RIMS4: variants seen among roughly 807,000 people sequenced by gnomAD.
The protein encoded by RIMS4 is regulating synaptic membrane exocytosis 4.
A neutral mutation model predicts 29.0 loss-of-function variants in RIMS4; 9 were observed. The observed-to-expected ratio is 0.31, with a 90% CI of 0.19 to 0.54. The LOEUF (loss-of-function observed/expected upper bound fraction) is 0.54. Ranked by LOEUF, RIMS4 falls within the 20% of genes least tolerant of loss-of-function variation. The pLI, the probability that RIMS4 is intolerant of heterozygous loss-of-function variation, is 0.94. For synonymous variants in RIMS4, 130 were observed against 152.9 expected, an observed-to-expected ratio of 0.85 and a Z score of 1.10; for missense variants, 193 against 365.7, an observed-to-expected ratio of 0.53 and a Z score of 3.85.
intron 1 of RIMS4, 40 bp downstream of exon 1, chr20:44,810,134 CG>C: frequency 1.6e-6 from 2 of 1,280,706 alleles, no homozygotes; most frequent in African/African-American, 1.5e-5. Context: ...ACCTGGATCC[CG>C]GGACACCCCG....
intron 1 of RIMS4, among the ~76,000 whole-genome samples, chr20:44,788,063 T>G (rs555501993): frequency 6.6e-6 from 1 of 152,338 alleles, no homozygotes; most frequent in African/African-American, 2.4e-5. Context: ...TCTGGCAGAA[T>G]TGAAATTAAC....
At chr20:44,791,610 C>T (rs552926379) in intron 1 of RIMS4, among the ~76,000 whole-genome samples, 9 of 152,256 alleles carry the variant, frequency 5.9e-5, no homozygotes, top group African/African-American at 1.9e-4. Context: ...CCACAAATGG[C>T]GACTCTCCCA....
chr20:44,775,493 C>CAAAGACTAAATGAAATGGGAGGATG (rs2066156131), intron 1 of RIMS4, among the ~76,000 whole-genome samples: 1 of 152,180 alleles, frequency 6.6e-6, no homozygotes, highest in Non-Finnish European at 1.5e-5. Flanking sequence ...GCCCCTTCAT[C>CAAAGACTAAATGAAATGGGAGGATG]AAAGACTAAA....
chr20:44,791,279 C>T (rs2066231324), intron 1 of RIMS4, among the ~76,000 whole-genome samples: 1 of 152,190 alleles, frequency 6.6e-6, no homozygotes, highest in Non-Finnish European at 1.5e-5. Context: ...TTTTGGTGTG[C>T]TTTCTCTGCA....
chr20:44,786,782 A>G (rs2066210434), intron 1 of RIMS4, among the ~76,000 whole-genome samples: 1 of 152,232 alleles, frequency 6.6e-6, no homozygotes. Context: ...TTGATTGAAA[A>G]TATTACACAA....
At chr20:44,809,483 A>G (rs954834552) in intron 1 of RIMS4, among the ~76,000 whole-genome samples, 1 of 151,910 alleles carries the variant, frequency 6.6e-6, no homozygotes, top group African/African-American at 2.4e-5. Context: ...TCCAGGGACA[A>G]GAGCACCTGA....
chr20:44,761,348 T>G (rs2066084132), intron 2 of RIMS4, among the ~76,000 whole-genome samples: 1 of 152,102 alleles, frequency 6.6e-6, no homozygotes, highest in Non-Finnish European at 1.5e-5. Context: ...AGCACTCACC[T>G]CTATACTTTG....
In RIMS4 at chr20:44,756,812, C is replaced by A; in HGVS notation, c.591+86G>T. The A allele has an allele frequency of 7.2e-7, 1 of 1,389,254 alleles. No homozygotes were observed. The allele number at this position is 1,389,254 out of a possible 1,614,324, so 86.1% of individuals were successfully genotyped here. On this transcript the variant is annotated intron_variant, in intron 5 of 5. Transcript: ENST00000372851. This position sits in a 1 kb window ranked among gnomAD's most constrained non-coding sequence, Gnocchi z 5.9. Reference sequence around the variant, plus strand: ...AGGCGAGGCCCTCCAGAGACACCCCCCGCCAGGGGTGCCCTCCTCTCATTC... The same window carrying A: ...AGGCGAGGCCCTCCAGAGACACCCCACGCCAGGGGTGCCCTCCTCTCATTC...
chr20:44,782,645 GGGGCAGGCCCTA>G (rs1435239737), intron 1 of RIMS4, among the ~76,000 whole-genome samples: 2 of 152,210 alleles, frequency 1.3e-5, no homozygotes, highest in Non-Finnish European at 2.9e-5. Flanking sequence ...CCAGGGTGAA[GGGGCAGGCCCTA>G]TCTGGGACAA....
intron 1 of RIMS4, among the ~76,000 whole-genome samples, chr20:44,774,036 A>T: frequency 6.6e-6 from 1 of 151,870 alleles, no homozygotes; most frequent in Non-Finnish European, 1.5e-5. Flanking sequence ...TTCCCTTGAC[A>T]CACCACCTTC....
chr20:44,754,515 AG>A lies in RIMS4; in HGVS notation c.*1618del, dbSNP rs5841569. ...CCTCTGCCAAGGTCCTACAACCCTT[AG>A]GAGTCCCTCATAAAGAAAGTCAGTA... On this transcript the variant is annotated 3_prime_UTR_variant, in exon 6 of 6. Coordinates refer to ENST00000372851, the MANE Select transcript of RIMS4 (RefSeq NM_182970.4). 6.4e-6 allele frequency: 1 copy of A among 155,072 alleles called. No homozygotes were observed. The highest frequency in any genetic ancestry group is 6.5e-5 in the Admixed American group (1 of 15,292). The allele number at this position is 155,072 out of a possible 1,614,324, so 9.6% of individuals were successfully genotyped here.
At chr20:44,778,567 TG>T (rs2066170428) in intron 1 of RIMS4, among the ~76,000 whole-genome samples, 2 of 152,034 alleles carry the variant, frequency 1.3e-5, no homozygotes, top group Admixed American at 6.6e-5. Context: ...CAGGAGGCTG[TG>T]GTGGGAGGAT....
Position 44,771,215 on chromosome 20 carries a change from C to T in RIMS4, c.236+60G>A, listed in dbSNP as rs556588434. ...GGCTCCCAGAGGGGTTGCTCAGTCC[C>T]TCCCGTGCCCCACCACAAAAGACTG... On this transcript the variant is annotated intron_variant, in intron 2 of 5. Coordinates refer to ENST00000372851, the MANE Select transcript of RIMS4 (RefSeq NM_182970.4). 4.1e-5 allele frequency: 64 copies of T among 1,563,922 alleles called. No homozygotes were observed. The South Asian group carries it at 7.2e-4, about 18-fold the overall frequency.
At chr20:44,800,651 AGGAGGAACTGGAGGGCCT>A (rs1171604806) in intron 1 of RIMS4, among the ~76,000 whole-genome samples, 5 of 152,132 alleles carry the variant, frequency 3.3e-5, no homozygotes, top group Middle Eastern at 3.4e-3. Flanking sequence ...GGGGAGACAA[AGGAGGAACTGGAGGGCCT>A]GTACAAGTGT....
At chr20:44,766,091 C>T (rs1310423623) in intron 2 of RIMS4, among the ~76,000 whole-genome samples, 2 of 152,080 alleles carry the variant, frequency 1.3e-5, no homozygotes, top group African/African-American at 4.8e-5. Flanking sequence ...GGGGGAGGGA[C>T]AGGGGACTGT....
chr20:44,797,758 G>A (rs896514051), intron 1 of RIMS4, among the ~76,000 whole-genome samples: 5 of 152,172 alleles, frequency 3.3e-5, no homozygotes, highest in Non-Finnish European at 5.9e-5. Context: ...TGTCTCCTCA[G>A]CAAAGGCAGA....
At chr20:44,764,590 C>A (rs576707572) in intron 2 of RIMS4, among the ~76,000 whole-genome samples, 1 of 152,202 alleles carries the variant, frequency 6.6e-6, no homozygotes, top group African/African-American at 2.4e-5. Flanking sequence ...AAACTGAAGT[C>A]AATGGAAAGT....
Position 44,807,110 on chromosome 20 carries a change from CAT to C in RIMS4, c.97+3063_97+3064del, listed in dbSNP as rs574736475. Among the ~76,000 whole-genome samples, 7 of 152,264 alleles carry C rather than the reference CAT, an allele frequency of 4.6e-5. No individual in the cohort carries two copies. In the East Asian group the frequency reaches 1.4e-3, roughly 29 times the overall value. On this transcript the variant is annotated intron_variant, in intron 1 of 5. Transcript: ENST00000372851. ...ACACACAAAAAAACGCCTCCAAGCA[CAT>C]GTTTCCCTAAAGCCCCAGCATCCTT...
chr20:44,762,232 G>A (rs979451341), intron 2 of RIMS4, among the ~76,000 whole-genome samples: 6 of 152,176 alleles, frequency 3.9e-5, no homozygotes, highest in African/African-American at 7.2e-5. Flanking sequence ...CTCGCCCACC[G>A]CTCACCTGCT....
Sources: gnomAD v4.1 joint callset for allele counts (sites outside exome capture counted in the v4.1 genomes callset) on GRCh38, gnomAD v4.1.1 for gene constraint, Gnocchi (gnomAD v3.1) non-coding constraint, MANE v1.5 for transcripts, NCBI Gene and HGNC (gene_info 2026-07-23, HGNC 2026-07-21) for gene names.